Variants in DDX10 observed in about 807,000 individuals in gnomAD.
DDX10 encodes the protein DEAD-box helicase 10.
In DDX10, 74 loss-of-function variants were observed where a neutral mutation model predicts 104.3. The ratio of observed to expected loss-of-function variants is 0.71; its 90% CI spans 0.59 to 0.86. The LOEUF (loss-of-function observed/expected upper bound fraction) is 0.86. Among genes scored for constraint, DDX10 ranks in the 40% least tolerant of loss-of-function variants. The pLI, the probability that DDX10 is intolerant of heterozygous loss-of-function variation, is 0.00. For synonymous variants in DDX10, 351 were observed against 353.4 expected (o/e 0.99, Z 0.08); for missense variants, 952 against 1,040.0 (o/e 0.92, Z 1.16).
chr11:108,814,662 C>T (rs1862230046), intron 13 of DDX10, among the ~76,000 whole-genome samples: 1 of 151,876 alleles, frequency 6.6e-6, no homozygotes, highest in African/African-American at 2.4e-5. Context: ...AAAAAAAAAC[C>T]TCTCAAACTT....
At chr11:108,722,406 T>A (rs1026229299) in intron 12 of DDX10, among the ~76,000 whole-genome samples, 1 of 152,220 alleles carries the variant, frequency 6.6e-6, no homozygotes, top group Non-Finnish European at 1.5e-5. Flanking sequence ...GAGAAAACAA[T>A]ATTTTTTAAT....
At chr11:108,857,719 G>A (rs532518988) in intron 16 of DDX10, among the ~76,000 whole-genome samples, 30 of 152,310 alleles carry the variant, frequency 2.0e-4, no homozygotes, top group Admixed American at 1.2e-3. Context: ...ATAACATACA[G>A]CTAGGAAATG....
intron 16 of DDX10, among the ~76,000 whole-genome samples, chr11:108,853,237 C>T (rs564529569): frequency 6.6e-6 from 1 of 152,076 alleles, no homozygotes; most frequent in African/African-American, 2.4e-5. Flanking sequence ...CGTGAAACAC[C>T]ATGGCAGAAC....
chr11:108,856,066 AC>A (rs962808278), intron 16 of DDX10, among the ~76,000 whole-genome samples: 2 of 152,190 alleles, frequency 1.3e-5, no homozygotes, highest in Non-Finnish European at 2.9e-5. Context: ...TAATCTCTGT[AC>A]AACAGAAAAG....
At chr11:108,715,006 C>T (rs746253211) in intron 10 of DDX10, among the ~76,000 whole-genome samples, 1 of 126,770 alleles carries the variant, frequency 7.9e-6, no homozygotes, top group Non-Finnish European at 1.8e-5. Context: ...GTGGTTCAGC[C>T]TAAAATCAGA....
chr11:108,694,321 A>G (rs2094256764), intron 9 of DDX10, among the ~76,000 whole-genome samples: 1 of 152,170 alleles, frequency 6.6e-6, no homozygotes, highest in South Asian at 2.1e-4. Context: ...CAGTTAAACA[A>G]TTTGTTCAAA....
intron 13 of DDX10, among the ~76,000 whole-genome samples, chr11:108,751,098 T>G (rs1346098549): frequency 6.6e-6 from 1 of 151,816 alleles, no homozygotes; most frequent in Non-Finnish European, 1.5e-5. Context: ...ATGTTTTAAA[T>G]TTCCATAAAA....
intron 16 of DDX10, among the ~76,000 whole-genome samples, chr11:108,880,866 A>G (rs1295214510): frequency 2.0e-5 from 3 of 152,128 alleles, no homozygotes; most frequent in African/African-American, 4.8e-5. Flanking sequence ...CTTCTGTGCT[A>G]TTTTGAAGTC....
intron 13 of DDX10, among the ~76,000 whole-genome samples, chr11:108,740,086 G>A (rs1220595942): frequency 6.6e-6 from 1 of 151,586 alleles, no homozygotes; most frequent in Non-Finnish European, 1.5e-5. Context: ...TTCATCACCA[G>A]GTGATAAGCA....
At position 108,837,607 on chromosome 11, in the gene DDX10, C is replaced by CTTTTTTT. The variant is rs142381520; in HGVS notation, c.1966-810_1966-804dup. Among the ~76,000 whole-genome samples, 61 of 34,746 alleles carry CTTTTTTT rather than the reference C, an allele frequency of 1.8e-3. 16 individuals carry two copies. Among genetic ancestry groups the CTTTTTTT allele is most frequent in the African/African-American group, 3.7e-3 (29 of 7,928 alleles). The allele number at this position is 34,746 out of a possible 152,430, so 22.8% of individuals were successfully genotyped here. A position where few individuals can be genotyped will look rare whatever the true frequency, so the allele number is the denominator to read the frequency against. ...TTCTGCATCTCACCTTTGGATACAG[C>CTTTTTTT]TTTTTTTTTTTTTTTTTTTTTTTTT... On this transcript the variant is annotated intron_variant, in intron 13 of 17. Coordinates refer to ENST00000322536, the MANE Select transcript of DDX10 (RefSeq NM_004398.4).
At chr11:108,842,342 C>T (rs772790987) in intron 15 of DDX10, among the ~76,000 whole-genome samples, 4 of 152,046 alleles carry the variant, frequency 2.6e-5, no homozygotes, top group Non-Finnish European at 5.9e-5. Context: ...TGAGAAACAC[C>T]TGAGAAACAC....
At chr11:108,719,297 A>G (rs2094295382) in intron 11 of DDX10, among the ~76,000 whole-genome samples, 1 of 152,284 alleles carries the variant, frequency 6.6e-6, no homozygotes, top group East Asian at 1.9e-4. Context: ...ATCAATAACT[A>G]GCATTTGTTG....
chr11:108,810,646 A>G (rs1371309363), intron 13 of DDX10, among the ~76,000 whole-genome samples: 3 of 152,208 alleles, frequency 2.0e-5, no homozygotes, highest in Non-Finnish European at 4.4e-5. Flanking sequence ...ATAAATGTTT[A>G]TGTTTCAACG....
rs1197508529 is a variant in DDX10, at chr11:108,692,051, C to A, written c.1138+13C>A. ...GCCAGGGGTCTGGGTAAGAAAACTTCCTATCATGAAATTTCTGTGATTGTG... is the reference window on the plus strand; with the variant it reads ...GCCAGGGGTCTGGGTAAGAAAACTTACTATCATGAAATTTCTGTGATTGTG... On this transcript the variant is annotated intron_variant, in intron 8 of 17. Transcript: ENST00000322536. 4 of 1,567,080 alleles carry A rather than the reference C, an allele frequency of 2.6e-6. No individual in the cohort carries two copies. In the South Asian group the frequency reaches 4.8e-5, roughly 19 times the overall value.
intron 16 of DDX10, among the ~76,000 whole-genome samples, chr11:108,895,226 G>A (rs1185231308): frequency 6.6e-6 from 1 of 151,806 alleles, no homozygotes; most frequent in Non-Finnish European, 1.5e-5. Flanking sequence ...AGGAAACTTT[G>A]CCAGAGCATT....
chr11:108,919,355 A>G (rs918697273), intron 17 of DDX10: 1 of 152,248 alleles, frequency 6.6e-6, no homozygotes, highest in Non-Finnish European at 1.5e-5. Flanking sequence ...TAAGGATTAA[A>G]TAATTTAGGT....
rs1456483988 is a variant in DDX10 at position 108,894,039 on chromosome 11, GGGAT to G, written c.2305-23830_2305-23827del. Among the ~76,000 whole-genome samples, 7 of 152,140 alleles carry G rather than the reference GGGAT, an allele frequency of 4.6e-5. No individual in the cohort carries two copies. The East Asian group carries it at 7.7e-4, about 17-fold the overall frequency. On this transcript the variant is annotated intron_variant, in intron 16 of 17. Coordinates refer to ENST00000322536, the MANE Select transcript of DDX10 (RefSeq NM_004398.4). ...GTAAATGACTGCAGCAAACTGTAAA[GGGAT>G]GGAATAGAGAATTTCAGCACTTGAA... is the stretch of plus-strand genomic sequence containing the variant.
Position 108,759,672 on chromosome 11 carries a change from G to C in DDX10, c.1965+36210G>C, listed in dbSNP as rs141768456. On this transcript the variant is annotated intron_variant, in intron 13 of 17. Coordinates refer to ENST00000322536, the MANE Select transcript of DDX10 (RefSeq NM_004398.4). The stretch of plus-strand genomic sequence containing the variant: ...TTTAAAGACTCTGAACTTGACAAAT[G>C]CTAAAATGGCAGAATTTGATTGTGT... 2.7e-3 allele frequency among the ~76,000 whole-genome samples: 409 copies of C among 152,060 alleles called. 3 individuals are homozygous for C. The highest frequency in any genetic ancestry group is 9.2e-3 in the African/African-American group (383 of 41,514).
chr11:108,727,698 T>A (rs890728098), intron 13 of DDX10: 7 of 154,782 alleles, frequency 4.5e-5, no homozygotes, highest in Non-Finnish European at 1.0e-4. Context: ...ATTCACATTC[T>A]GTTTTTTTTA....
Sources: gnomAD v4.1 joint callset for allele counts (sites outside exome capture counted in the v4.1 genomes callset) on GRCh38, gnomAD v4.1.1 for gene constraint, MANE v1.5 for transcripts, NCBI Gene and HGNC (gene_info 2026-07-23, HGNC 2026-07-21) for gene names.